ZPBP: variants seen among roughly 807,000 people sequenced by gnomAD.
The protein encoded by ZPBP is zona pellucida-binding protein 1.
ZPBP carries 26 observed loss-of-function variants against 44.8 expected under a neutral mutation model. The ratio of observed to expected loss-of-function variants is 0.58; its 90% CI spans 0.43 to 0.81. The LOEUF is 0.81. Ranked by LOEUF, ZPBP falls within the 30% of genes least tolerant of loss-of-function variation. The pLI is 0.00. For missense variants in ZPBP, 409 were observed against 434.0 expected, an observed-to-expected ratio of 0.94 and a Z score of 0.51; for synonymous variants, 174 against 153.2, an observed-to-expected ratio of 1.14 and a Z score of -1.00.
At chr7:50,066,212 CT>C (rs1346358687) in intron 3 of ZPBP, among the ~76,000 whole-genome samples, 5 of 149,970 alleles carry the variant, frequency 3.3e-5, no homozygotes, top group Admixed American at 2.6e-4. Flanking sequence ...GGAAATAGGC[CT>C]TTTATAGGAG....
chr7:49,871,134 A>T (rs1791132114), intron 2 of ZPBP, among the ~76,000 whole-genome samples: 1 of 152,234 alleles, frequency 6.6e-6, no homozygotes, highest in Non-Finnish European at 1.5e-5. Flanking sequence ...ACAAAAGGTG[A>T]TAAAGGAATA....
At chr7:50,048,753 T>C (rs1288488000) in intron 4 of ZPBP, among the ~76,000 whole-genome samples, 2 of 151,928 alleles carry the variant, frequency 1.3e-5, no homozygotes, top group African/African-American at 4.8e-5. Flanking sequence ...CGTAGCCTAA[T>C]CTTTTATCTT....
At chr7:49,850,998 G>C (rs543669523) in intron 2 of ZPBP, among the ~76,000 whole-genome samples, 3 of 152,302 alleles carry the variant, frequency 2.0e-5, no homozygotes, top group Non-Finnish European at 4.4e-5. Context: ...AGGAATGTCA[G>C]TTTACTCGTC....
intron 6 of ZPBP, among the ~76,000 whole-genome samples, chr7:49,989,993 A>G (rs1247087372): frequency 6.6e-6 from 1 of 152,124 alleles, no homozygotes; most frequent in African/African-American, 2.4e-5. Context: ...ACTCAATTTT[A>G]CAGCTTCACC....
At chr7:50,039,125 T>A (rs1799956089) in intron 4 of ZPBP, among the ~76,000 whole-genome samples, 1 of 151,974 alleles carries the variant, frequency 6.6e-6, no homozygotes. Context: ...ATTTAAAAAA[T>A]AAACACTTCA....
At chr7:49,988,025 T>G (rs191761661) in intron 6 of ZPBP, among the ~76,000 whole-genome samples, 181 of 152,240 alleles carry the variant, frequency 1.2e-3, no homozygotes, top group African/African-American at 4.2e-3. Flanking sequence ...TGTGGAAGAA[T>G]TGTAAAAATT....
chr7:50,046,688 CT>C (rs1196763184), intron 4 of ZPBP, among the ~76,000 whole-genome samples: 4 of 152,210 alleles, frequency 2.6e-5, no homozygotes, highest in Non-Finnish European at 5.9e-5. Flanking sequence ...CACTTTTACA[CT>C]GTTGGTGGGA....
intron 3 of ZPBP, 21 bp downstream of exon 3, chr7:50,081,753 A>G: frequency 1.9e-6 from 3 of 1,609,584 alleles, no homozygotes; most frequent in Non-Finnish European, 8.5e-7. Flanking sequence ...TTTAATTACA[A>G]TAATTGAAAC....
intron 3 of ZPBP, among the ~76,000 whole-genome samples, chr7:50,059,997 G>A (rs1053144406): frequency 1.3e-4 from 20 of 152,006 alleles, no homozygotes; most frequent in African/African-American, 4.6e-4. Context: ...TCGGAGGGAG[G>A]ACACAGATCC....
chr7:50,018,479 C>T (rs1798927675), intron 5 of ZPBP, among the ~76,000 whole-genome samples, 163 bp from the exon 6 acceptor site: 1 of 151,932 alleles, frequency 6.6e-6, no homozygotes. Flanking sequence ...CCTAAGTCAA[C>T]AATTTGCTTT....
At chr7:50,056,748 G>A (rs777122122) in intron 4 of ZPBP, among the ~76,000 whole-genome samples, 2 of 152,092 alleles carry the variant, frequency 1.3e-5, no homozygotes, top group Non-Finnish European at 2.9e-5. Flanking sequence ...TGCATTTCGA[G>A]GAAATCACCT....
chr7:49,946,740 T>G (rs982526334), intron 7 of ZPBP, among the ~76,000 whole-genome samples: 4 of 152,310 alleles, frequency 2.6e-5, no homozygotes, highest in Admixed American at 6.5e-5. Flanking sequence ...GATACCTTTT[T>G]CTAGGTTTGG....
intron 3 of ZPBP, among the ~76,000 whole-genome samples, chr7:50,073,079 C>A (rs1801927571): frequency 1.3e-5 from 2 of 152,016 alleles, no homozygotes; most frequent in African/African-American, 4.8e-5. Context: ...TACCAGGGAC[C>A]AATCCTGGAA....
At chr7:50,028,172 T>C (rs984460529) in intron 5 of ZPBP, among the ~76,000 whole-genome samples, 10 of 151,900 alleles carry the variant, frequency 6.6e-5, no homozygotes, top group Admixed American at 3.9e-4. Flanking sequence ...TCCAGCAGTA[T>C]GGTAAAGAAT....
intron 1 of ZPBP, among the ~76,000 whole-genome samples, chr7:49,923,611 ACTT>A (rs58162011): frequency 6.6e-5 from 10 of 150,956 alleles, no homozygotes; most frequent in Non-Finnish European, 5.9e-5. Context: ...AAATATGAAA[ACTT>A]CTTCTTCTTC....
At chr7:49,889,846 C>G (rs1216646090) in intron 2 of ZPBP, among the ~76,000 whole-genome samples, 1 of 152,176 alleles carries the variant, frequency 6.6e-6, no homozygotes, top group Non-Finnish European at 1.5e-5. Flanking sequence ...AGTATGCCGT[C>G]ATTCACGCTT....
chr7:49,901,916 G>GCTAACACTGTTTGC (rs1562763009), intron 1 of ZPBP, among the ~76,000 whole-genome samples: 16 of 151,974 alleles, frequency 1.1e-4, no homozygotes, highest in African/African-American at 3.1e-4. Context: ...TGCTAACAGA[G>GCTAACACTGTTTGC]TAAACATAGT....
At chr7:49,841,209 C>T in the ZPBP span, among the ~76,000 whole-genome samples, 7 of 152,134 alleles carry the variant, frequency 4.6e-5, no homozygotes, top group Non-Finnish European at 7.3e-5. Context: ...AAGAAAGAGG[C>T]CTGACTATTC....
chr7:49,984,364 T>C (rs896110678), intron 6 of ZPBP, among the ~76,000 whole-genome samples: 2 of 152,204 alleles, frequency 1.3e-5, no homozygotes, highest in African/African-American at 4.8e-5. Flanking sequence ...TAACTCTGTC[T>C]CACACATAAA....
Sources: gnomAD v4.1 joint callset for allele counts (sites outside exome capture counted in the v4.1 genomes callset) on GRCh38, gnomAD v4.1.1 for gene constraint, MANE v1.5 for transcripts, NCBI Gene and HGNC (gene_info 2026-07-23, HGNC 2026-07-21) for gene names.